The following FBXO10 variants were observed in gnomAD, a reference collection of about 807,000 sequenced individuals.
The protein encoded by FBXO10 is F-box only protein 10.
FBXO10 carries 39 observed loss-of-function variants against 80.7 expected under a neutral mutation model. That is an observed-to-expected ratio of 0.48 (90% CI 0.37 to 0.63). The LOEUF (loss-of-function observed/expected upper bound fraction) is 0.63. Among genes scored for constraint, FBXO10 ranks in the 30% least tolerant of loss-of-function variants. FBXO10 has a pLI of 0.00. For synonymous variants in FBXO10, 449 were observed against 489.6 expected (o/e 0.92, Z 1.09); for missense variants, 1,025 against 1,269.0 (o/e 0.81, Z 2.92).
At chr9:37,513,177 T>G (rs953246250) in intron 10 of FBXO10, among the ~76,000 whole-genome samples, 10 of 151,984 alleles carry the variant, frequency 6.6e-5, no homozygotes, top group Non-Finnish European at 1.5e-4. Context: ...ATAGGGTGGT[T>G]GTTGTGAGAC....
intron 1 of FBXO10, among the ~76,000 whole-genome samples, chr9:37,560,708 A>G (rs889702268): frequency 7.2e-5 from 11 of 152,058 alleles, no homozygotes; most frequent in African/African-American, 2.4e-5. Context: ...GTGGAATTAA[A>G]AGTAACAAAT....
chr9:37,541,129 G>A (rs1310987228), intron 2 of FBXO10, 55 bp downstream of exon 2: 13 of 1,465,370 alleles, frequency 8.9e-6, no homozygotes, highest in African/African-American at 2.8e-5. Flanking sequence ...CCAGAAAAGA[G>A]GGCAAGCCTC....
rs549972084 is a variant in FBXO10 at position 37,562,385 on chromosome 9, G to C, written c.-7+13826C>G. On this transcript the variant is annotated intron_variant, in intron 1 of 10. Coordinates refer to ENST00000432825, the MANE Select transcript of FBXO10 (RefSeq NM_012166.3). Reference sequence around the variant, plus strand: ...TGAGTGGATCTGTGAGGGGGCAGAGGGGACACAGGAAGTGCTGAGTTATTC... The same window carrying C: ...TGAGTGGATCTGTGAGGGGGCAGAGCGGACACAGGAAGTGCTGAGTTATTC... Among the ~76,000 whole-genome samples the C allele has an allele frequency of 4.6e-5, 7 of 152,300 alleles. No individual in the cohort carries two copies. The South Asian group carries it at 1.2e-3, about 27-fold the overall frequency.
intron 1 of FBXO10, among the ~76,000 whole-genome samples, chr9:37,560,082 G>A (rs1822441072): frequency 6.6e-6 from 1 of 152,170 alleles, no homozygotes; most frequent in South Asian, 2.1e-4. Flanking sequence ...TGCATGATGG[G>A]AAAGGCCCTG....
chr9:37,532,081 T>C, intron 3 of FBXO10, 23 bp from the exon 4 acceptor site: 1 of 1,605,300 alleles, frequency 6.2e-7, no homozygotes. Flanking sequence ...GAGAAAGCCA[T>C]TTATTTTCCT....
chr9:37,568,564 AC>A (rs1474959549), intron 1 of FBXO10, among the ~76,000 whole-genome samples: 1 of 152,034 alleles, frequency 6.6e-6, no homozygotes. Context: ...TAAATTATTT[AC>A]TCTCTTCCTT....
At position 37,530,975 on chromosome 9, in the gene FBXO10, A is replaced by G. The variant is rs12685251; in HGVS notation, c.1569+934T>C. 3.0e-3 allele frequency among the ~76,000 whole-genome samples: 450 copies of G among 152,266 alleles called. 15 individuals are homozygous for G. The East Asian group carries it at 0.062, about 21-fold the overall frequency. On this transcript the variant is annotated intron_variant, in intron 4 of 10. Coordinates refer to ENST00000432825, the MANE Select transcript of FBXO10 (RefSeq NM_012166.3). Reference sequence around the variant, plus strand: ...TATCTTTATGGGCAGTTAAGATATGATGGGTTCAGCATTACCCGTGAGTCA... The same window carrying G: ...TATCTTTATGGGCAGTTAAGATATGGTGGGTTCAGCATTACCCGTGAGTCA...
At position 37,541,603 on chromosome 9, in the gene FBXO10, G is replaced by A. The variant is rs1383183987; in HGVS notation, c.166C>T (p.Arg56Cys). 5 of 1,613,714 alleles carry A rather than the reference G, an allele frequency of 3.1e-6. No homozygotes were observed. Among genetic ancestry groups the A allele is most frequent in the South Asian group, 1.1e-5 (1 of 91,042 alleles). Reference protein sequence around the residue: ...RQLCLGCTECRHPNWPNQPDV... With the variant: ...RQLCLGCTECCHPNWPNQPDV... ...GGCTGGTTGGGCCAATTGGGATGGCGGCACTCGGTGCAACCCAGACACAGC... is the reference window on the plus strand; with the variant it reads ...GGCTGGTTGGGCCAATTGGGATGGCAGCACTCGGTGCAACCCAGACACAGC... Residue 56 changes from arginine to cysteine, a missense_variant, in exon 2 of 11, where the codon CGC becomes TGC. Around this residue, in one of 3 missense-constraint regions of FBXO10, gnomAD observed 450 missense variants for 499.4 expected, o/e 0.90. Coordinates refer to ENST00000432825, the MANE Select transcript of FBXO10 (RefSeq NM_012166.3).
chr9:37,528,439 C>T (rs1176990360), intron 5 of FBXO10, among the ~76,000 whole-genome samples: 1 of 152,214 alleles, frequency 6.6e-6, no homozygotes, highest in Non-Finnish European at 1.5e-5. Flanking sequence ...CTGTGCCCTG[C>T]TGCCTTTGCT....
intron 4 of FBXO10, among the ~76,000 whole-genome samples, chr9:37,530,228 C>T (rs543021819): frequency 3.3e-5 from 5 of 152,192 alleles, no homozygotes; most frequent in Admixed American, 6.5e-5. Context: ...AAAATGATTT[C>T]GCAGAAATAA....
At chr9:37,544,747 C>A (rs1822009281) in intron 1 of FBXO10, among the ~76,000 whole-genome samples, 1 of 152,076 alleles carries the variant, frequency 6.6e-6, no homozygotes, top group Non-Finnish European at 1.5e-5. Context: ...GTAATCCCAG[C>A]ACTTTGGGAG....
At chr9:37,516,244 TG>T (rs530054470) in intron 9 of FBXO10, among the ~76,000 whole-genome samples, 159 bp from the exon 10 acceptor site, 91 of 152,196 alleles carry the variant, frequency 6.0e-4, no homozygotes, top group Non-Finnish European at 1.2e-3. Flanking sequence ...AAGAACAGCC[TG>T]GGGGAGCCAG....
Position 37,541,166 on chromosome 9 carries a change from A to G in FBXO10, c.585+18T>C. ...GGGGTCAGAACTAGAAAGGCCGTCT[A>G]TTGATGTGGATACCCACCTTATACA... On this transcript the variant is annotated intron_variant, in intron 2 of 10. Transcript: ENST00000432825. 6.4e-7 allele frequency: 1 copy of G among 1,567,268 alleles called. No individual in the cohort carries two copies. The highest frequency in any genetic ancestry group is 8.6e-7 in the Non-Finnish European group (1 of 1,160,100).
chr9:37,518,525 A>C (rs1821243301), intron 8 of FBXO10, 87 bp from the exon 9 acceptor site: 6 of 1,153,916 alleles, frequency 5.2e-6, no homozygotes, highest in Non-Finnish European at 7.2e-6. Flanking sequence ...TGAATTGTGC[A>C]CTCCGGGAGA....
intron 5 of FBXO10, 148 bp from the exon 6 acceptor site, chr9:37,525,320 G>A: frequency 1.4e-6 from 1 of 699,796 alleles, no homozygotes; most frequent in South Asian, 1.8e-5. Context: ...TGTAGTCCCA[G>A]CTTCTTGGGA....
At chr9:37,525,266 T>C (rs1395384990) in intron 5 of FBXO10, 94 bp from the exon 6 acceptor site, 5 of 1,168,614 alleles carry the variant, frequency 4.3e-6, no homozygotes, top group Non-Finnish European at 6.1e-6. Flanking sequence ...ACCCTGTCTC[T>C]ACAAAAAATA....
intron 5 of FBXO10, among the ~76,000 whole-genome samples, chr9:37,528,772 C>T (rs1821541134): frequency 6.6e-6 from 1 of 152,160 alleles, no homozygotes; most frequent in Non-Finnish European, 1.5e-5. Flanking sequence ...TGACACAGCA[C>T]CCCCAGGCAC....
At chr9:37,517,074 T>C (rs1371400553) in intron 9 of FBXO10, among the ~76,000 whole-genome samples, 1 of 152,094 alleles carries the variant, frequency 6.6e-6, no homozygotes, top group Non-Finnish European at 1.5e-5. Context: ...TTGGAGGCCA[T>C]TATTCTAAGA....
At chr9:37,558,876 C>A (rs531630247) in intron 1 of FBXO10, among the ~76,000 whole-genome samples, 11 of 151,216 alleles carry the variant, frequency 7.3e-5, no homozygotes, top group Non-Finnish European at 1.5e-4. Context: ...AATGGTGTGA[C>A]CTCAGCTCAC....
Sources: allele counts gnomAD v4.1 joint callset (sites outside exome capture counted in the v4.1 genomes callset), GRCh38; gene constraint gnomAD v4.1.1; regional missense constraint gnomAD v4.1.1; transcripts MANE v1.5; gene names NCBI Gene and HGNC (gene_info 2026-07-23, HGNC 2026-07-21).